Variants in CDH13 observed in about 807,000 individuals in gnomAD.
CDH13 encodes cadherin 13.
CDH13 carries 24 observed loss-of-function variants against 63.8 expected under a neutral mutation model. That is an observed-to-expected ratio of 0.38 (90% CI 0.27 to 0.53). CDH13 has a LOEUF of 0.53. Among genes scored for constraint, CDH13 ranks in the 20% least tolerant of loss-of-function variants. CDH13 has a pLI of 0.85. For synonymous variants in CDH13, 503 were observed against 355.3 expected (o/e 1.42, Z -4.67); for missense variants, 1,049 against 903.1 (o/e 1.16, Z -2.07).
chr16:83,440,962 C>T (rs1330477775), intron 6 of CDH13, among the ~76,000 whole-genome samples: 1 of 152,050 alleles, frequency 6.6e-6, no homozygotes, highest in African/African-American at 2.4e-5. Context: ...CAACAATGTC[C>T]CAAATCTGTG....
intron 6 of CDH13, among the ~76,000 whole-genome samples, chr16:83,361,341 C>T (rs922991689): frequency 2.6e-5 from 4 of 152,208 alleles, no homozygotes; most frequent in African/African-American, 9.7e-5. Flanking sequence ...GGACTTCCAT[C>T]AGATGCATAA....
At chr16:83,540,211 G>A (rs575921708) in intron 7 of CDH13, among the ~76,000 whole-genome samples, 5 of 151,990 alleles carry the variant, frequency 3.3e-5, no homozygotes, top group Non-Finnish European at 5.9e-5. Context: ...GTTGGAGGCC[G>A]AAAGATTGAG....
intron 5 of CDH13, among the ~76,000 whole-genome samples, chr16:83,306,877 T>G (rs371308119): frequency 3.3e-5 from 5 of 152,102 alleles, no homozygotes; most frequent in Non-Finnish European, 4.4e-5. Context: ...GGTATACTTA[T>G]AGCAACACGA....
intron 3 of CDH13, among the ~76,000 whole-genome samples, chr16:83,055,880 G>A (rs536023153): frequency 1.3e-5 from 2 of 152,172 alleles, no homozygotes; most frequent in East Asian, 1.9e-4. Flanking sequence ...AAAAACCTGT[G>A]CTCATCAAAA....
At chr16:83,345,740 C>T (rs1271118815) in intron 6 of CDH13, among the ~76,000 whole-genome samples, 1 of 152,002 alleles carries the variant, frequency 6.6e-6, no homozygotes, top group African/African-American at 2.4e-5. Flanking sequence ...AAGAATAAAA[C>T]AGAAAAATTC....
intron 7 of CDH13, among the ~76,000 whole-genome samples, chr16:83,542,591 G>A (rs2075314254): frequency 1.3e-5 from 2 of 152,224 alleles, no homozygotes; most frequent in Non-Finnish European, 2.9e-5. Flanking sequence ...CCAGAACTCT[G>A]AAATCAAGGT....
At chr16:82,842,293 A>T (rs2039068781) in intron 1 of CDH13, among the ~76,000 whole-genome samples, 1 of 151,606 alleles carries the variant, frequency 6.6e-6, no homozygotes, top group South Asian at 2.1e-4. Flanking sequence ...CTCAGTCTTG[A>T]GACATCTGAG....
At chr16:83,360,118 C>T (rs1323256637) in intron 6 of CDH13, among the ~76,000 whole-genome samples, 1 of 152,224 alleles carries the variant, frequency 6.6e-6, no homozygotes, top group Non-Finnish European at 1.5e-5. Flanking sequence ...GTACCTCCTT[C>T]AGTTCTATTG....
intron 3 of CDH13, among the ~76,000 whole-genome samples, chr16:83,068,663 A>C (rs1004268788): frequency 6.6e-6 from 1 of 152,146 alleles, no homozygotes; most frequent in African/African-American, 2.4e-5. Flanking sequence ...CTTTAATGCC[A>C]TTAATTAAAA....
At chr16:82,988,450 G>T (rs1490140732) in intron 2 of CDH13, among the ~76,000 whole-genome samples, 1 of 152,032 alleles carries the variant, frequency 6.6e-6, no homozygotes, top group East Asian at 1.9e-4. Flanking sequence ...GCTTCTAGAA[G>T]AGCTGAAAAC....
intron 1 of CDH13, among the ~76,000 whole-genome samples, chr16:82,763,003 CT>C (rs1382026398): frequency 2.6e-5 from 4 of 152,160 alleles, no homozygotes; most frequent in African/African-American, 9.7e-5. Flanking sequence ...ATTCGTGGTG[CT>C]ACTGTGTGAA....
chr16:83,083,733 C>G (rs376504449), intron 3 of CDH13, among the ~76,000 whole-genome samples: 5 of 152,194 alleles, frequency 3.3e-5, no homozygotes, highest in South Asian at 4.1e-4. Flanking sequence ...AATTTCCACT[C>G]CCTCAAAGCT....
rs116682252 is a variant in CDH13, at chr16:83,382,196, G to C, written c.781+37190G>C. Among the ~76,000 whole-genome samples, 833 of 152,258 alleles carry C rather than the reference G, an allele frequency of 5.5e-3. 9 individuals carry two copies. The highest frequency in any genetic ancestry group is 0.019 in the African/African-American group (792 of 41,552). On this transcript the variant is annotated intron_variant, in intron 6 of 13. Transcript: ENST00000567109. Reference sequence around the variant, plus strand: ...ATAGGGATGATTTGAGGACAGCACTGACTAATAGCCATAAAGTACTTAGCT... The same window carrying C: ...ATAGGGATGATTTGAGGACAGCACTCACTAATAGCCATAAAGTACTTAGCT...
chr16:83,081,764 T>C (rs2033271814), intron 3 of CDH13, among the ~76,000 whole-genome samples: 1 of 151,688 alleles, frequency 6.6e-6, no homozygotes, highest in Non-Finnish European at 1.5e-5. Context: ...ACTAATTCCA[T>C]CATCGGGTTC....
intron 8 of CDH13, among the ~76,000 whole-genome samples, chr16:83,665,890 T>C (rs1437131): frequency 0.34 from 51,039 of 152,050 alleles, 9,092 homozygotes; most frequent in East Asian, 0.49. Context: ...TCCCTCTTCC[T>C]ACTTGTGATT....
chr16:83,094,507 T>C (rs1156779195), intron 3 of CDH13, among the ~76,000 whole-genome samples: 6 of 152,192 alleles, frequency 3.9e-5, no homozygotes, highest in African/African-American at 1.2e-4. Context: ...TGAGGTCTTA[T>C]GCCTCCACAT....
At chr16:83,094,113 A>G (rs2034069486) in intron 3 of CDH13, among the ~76,000 whole-genome samples, 1 of 152,176 alleles carries the variant, frequency 6.6e-6, no homozygotes, top group Non-Finnish European at 1.5e-5. Flanking sequence ...CATTGTTGTA[A>G]CAAATAGTTA....
chr16:83,309,093 T>C (rs1319573110), intron 5 of CDH13, among the ~76,000 whole-genome samples: 1 of 152,182 alleles, frequency 6.6e-6, no homozygotes, highest in East Asian at 1.9e-4. Context: ...CTCCATATCG[T>C]AACTCTGTTT....
Position 83,103,186 on chromosome 16 carries a change from C to T in CDH13, c.367-22199C>T, listed in dbSNP as rs1185852143. 4.2e-4 allele frequency among the ~76,000 whole-genome samples: 63 copies of T among 148,960 alleles called. 2 individuals carry two copies. ...TAGGCTGGTCTCAAACTCCTGATCT[C>T]AAGTGATCCACCCACCTCAACCTCC... On this transcript the variant is annotated intron_variant, in intron 3 of 13. Transcript: ENST00000567109.
Sources: gnomAD v4.1 joint callset for allele counts (sites outside exome capture counted in the v4.1 genomes callset) on GRCh38, gnomAD v4.1.1 for gene constraint, MANE v1.5 for transcripts, NCBI Gene and HGNC (gene_info 2026-07-23, HGNC 2026-07-21) for gene names.